BCL7C: variants seen among roughly 807,000 people sequenced by gnomAD.
The protein encoded by BCL7C is BAF chromatin remodeling complex subunit BCL7C.
In BCL7C, 8 loss-of-function variants were observed where a neutral mutation model predicts 26.2. The observed-to-expected ratio is 0.30, with a 90% CI of 0.18 to 0.55. The LOEUF (loss-of-function observed/expected upper bound fraction) is 0.55, where lower values mean the gene tolerates loss of function less well. BCL7C is among the 20% of genes least tolerant of loss of function. The pLI, the probability that BCL7C is intolerant of heterozygous loss-of-function variation, is 0.93. For synonymous variants in BCL7C, 90 were observed against 116.5 expected, an observed-to-expected ratio of 0.77 and a Z score of 1.47; for missense variants, 262 against 298.5, an observed-to-expected ratio of 0.88 and a Z score of 0.90.
intron 5 of BCL7C, among the ~76,000 whole-genome samples, chr16:30,860,103 C>T (rs1212522251): frequency 6.6e-6 from 1 of 150,650 alleles, no homozygotes; most frequent in East Asian, 2.0e-4. Context: ...ATCTCCCTGT[C>T]CTTCCAATTC....
intron 5 of BCL7C, among the ~76,000 whole-genome samples, chr16:30,863,503 A>G (rs2054795755): frequency 6.6e-6 from 1 of 152,190 alleles, no homozygotes; most frequent in Non-Finnish European, 1.5e-5. Flanking sequence ...TTTACTTCCA[A>G]AGGAAGCTGG....
intron 5 of BCL7C, among the ~76,000 whole-genome samples, chr16:30,835,807 C>T (rs903285152): frequency 2.0e-5 from 3 of 151,972 alleles, no homozygotes; most frequent in Non-Finnish European, 2.9e-5. Context: ...GATCGCACCA[C>T]TGCACTCCAG....
intron 4 of BCL7C, among the ~76,000 whole-genome samples, chr16:30,890,416 C>T (rs1414146665): frequency 6.6e-6 from 1 of 151,886 alleles, no homozygotes; most frequent in Non-Finnish European, 1.5e-5. Context: ...AAAAGCAGAG[C>T]TGATGAGGAC....
downstream of BCL7C, among the ~76,000 whole-genome samples, chr16:30,887,452 G>C (rs1314000401): frequency 6.7e-6 from 1 of 149,422 alleles, no homozygotes; most frequent in Non-Finnish European, 1.5e-5. Flanking sequence ...ACTCCTGCCT[G>C]GGCAACAGAA....
chr16:30,893,211 C>T lies in BCL7C; in HGVS notation c.171+1G>A. 1 of 1,612,662 alleles carries T rather than the reference C, an allele frequency of 6.2e-7. No individual in the cohort carries two copies. ...GCCTTGTGGGAATGGGGGTTGCTCA[C>T]CTCCTCCTGGGGATCCACCACTGGC... On this transcript the variant is annotated splice_donor_variant, in intron 2 of 5. Transcript: ENST00000215115. LOFTEE classifies it high-confidence loss of function. The surrounding 1 kb of genome is among the most constrained non-coding windows in gnomAD (Gnocchi z 5.2).
chr16:30,850,265 G>T (rs532861690), intron 5 of BCL7C, among the ~76,000 whole-genome samples: 3 of 150,808 alleles, frequency 2.0e-5, no homozygotes, highest in African/African-American at 4.9e-5. Flanking sequence ...CTTCCAAATT[G>T]CTGGGATTAC....
intron 5 of BCL7C, among the ~76,000 whole-genome samples, chr16:30,877,263 A>T (rs1468258535): frequency 2.0e-5 from 3 of 149,940 alleles, no homozygotes; most frequent in South Asian, 4.2e-4. Flanking sequence ...GGGTAGCTGG[A>T]GTCCAGATTT....
intron 5 of BCL7C, among the ~76,000 whole-genome samples, chr16:30,841,871 C>T (rs945840755): frequency 2.5e-4 from 36 of 146,592 alleles, no homozygotes; most frequent in African/African-American, 8.1e-4. Flanking sequence ...AGGAGAATGG[C>T]ATGAACCTGG....
chr16:30,864,321 C>T (rs2054804975), intron 5 of BCL7C, among the ~76,000 whole-genome samples: 1 of 152,162 alleles, frequency 6.6e-6, no homozygotes, highest in South Asian at 2.1e-4. Flanking sequence ...GTCCTGAGTA[C>T]TCCCAATTCT....
In BCL7C at chr16:30,866,548, G is replaced by A. The variant is rs576191310; in HGVS notation, c.528+22312C>T. 2.2e-4 allele frequency among the ~76,000 whole-genome samples: 32 copies of A among 144,546 alleles called. No individual in the cohort carries two copies. The South Asian group carries it at 7.3e-3, about 33-fold the overall frequency. The allele number at this position is 144,546 out of a possible 152,430, so 94.8% of individuals were successfully genotyped here. A position where few individuals can be genotyped will look rare whatever the true frequency, so the allele number is the denominator to read the frequency against. ...GCCAAGATCGGGCCACTGCACTCCA[G>A]CCTGGCCAAAATAGCGAGACTGTCT... On this transcript the variant is annotated intron_variant, in intron 5 of 5. Coordinates refer to the BCL7C transcript ENST00000380317.
chr16:30,838,726 A>C (rs1198175876), intron 5 of BCL7C, among the ~76,000 whole-genome samples: 1 of 152,252 alleles, frequency 6.6e-6, no homozygotes, highest in Non-Finnish European at 1.5e-5. Context: ...CGGAGGTTGC[A>C]GTGAGCCAAG....
At chr16:30,873,013 G>A (rs890535201) in intron 5 of BCL7C, among the ~76,000 whole-genome samples, 2 of 152,036 alleles carry the variant, frequency 1.3e-5, no homozygotes, top group Non-Finnish European at 2.9e-5. Context: ...ACAAATTTGT[G>A]GACCACCTCT....
chr16:30,874,952 G>C (rs1239493657), intron 5 of BCL7C, among the ~76,000 whole-genome samples: 1 of 152,202 alleles, frequency 6.6e-6, no homozygotes, highest in Non-Finnish European at 1.5e-5. Context: ...TGGAGACCGG[G>C]AATGGCTCCG....
At position 30,869,199 on chromosome 16, in the gene BCL7C, T is replaced by C. The variant is rs139235013; in HGVS notation, c.528+19661A>G. Reference sequence around the variant, plus strand: ...CTATCGCTTTCCCTCTCTGAGCCTATAGCCTTCATTATTTTATTTTGTTTT... The same window carrying C: ...CTATCGCTTTCCCTCTCTGAGCCTACAGCCTTCATTATTTTATTTTGTTTT... On this transcript the variant is annotated intron_variant, in intron 5 of 5. Coordinates refer to the BCL7C transcript ENST00000380317. 2.6e-5 allele frequency among the ~76,000 whole-genome samples: 4 copies of C among 152,206 alleles called. No homozygotes were observed. The East Asian group carries it at 7.7e-4, about 29-fold the overall frequency.
intron 5 of BCL7C, among the ~76,000 whole-genome samples, chr16:30,846,338 G>C (rs1394349062): frequency 6.6e-6 from 1 of 151,096 alleles, no homozygotes; most frequent in African/African-American, 2.4e-5. Context: ...AGATTCTCCT[G>C]CTTCAGCCTC....
At position 30,893,317 on chromosome 16, in the gene BCL7C, G is replaced by C; in HGVS notation, c.93-27C>G. 5 of 1,601,758 alleles carry C rather than the reference G, an allele frequency of 3.1e-6. No homozygotes were observed. The South Asian group carries it at 5.5e-5, about 18-fold the overall frequency. ...TGTGGGAGGGTGGGGGGCTGGGTCA[G>C]AGAGGCCTGAGGGGAGACCCACCCC... is the stretch of plus-strand genomic sequence containing the variant. On this transcript the variant is annotated intron_variant, in intron 1 of 5. Coordinates refer to ENST00000215115, the MANE Select transcript of BCL7C (RefSeq NM_004765.4). This position sits in a 1 kb window ranked among gnomAD's most constrained non-coding sequence, Gnocchi z 5.2.
At chr16:30,872,297 C>T (rs2054888697) in intron 5 of BCL7C, among the ~76,000 whole-genome samples, 1 of 152,146 alleles carries the variant, frequency 6.6e-6, no homozygotes, top group Non-Finnish European at 1.5e-5. Flanking sequence ...CCTGACATTC[C>T]AGAAACATGG....
intron 5 of BCL7C, among the ~76,000 whole-genome samples, chr16:30,857,319 C>G (rs2054731064): frequency 7.0e-6 from 1 of 143,558 alleles, no homozygotes; most frequent in Non-Finnish European, 1.5e-5. Context: ...ACTCAGGAGG[C>G]AGAGGCTGCA....
intron 5 of BCL7C, among the ~76,000 whole-genome samples, chr16:30,843,149 G>A (rs1463953011): frequency 6.6e-6 from 1 of 152,164 alleles, no homozygotes; most frequent in Non-Finnish European, 1.5e-5. Flanking sequence ...AAACATACTA[G>A]TCAAAATTCC....
Sources: gnomAD v4.1 joint callset for allele counts (sites outside exome capture counted in the v4.1 genomes callset) on GRCh38, gnomAD v4.1.1 for gene constraint, Gnocchi (gnomAD v3.1) non-coding constraint, MANE v1.5 for transcripts, NCBI Gene and HGNC (gene_info 2026-07-23, HGNC 2026-07-21) for gene names.